DPP10: variants seen among roughly 807,000 people sequenced by gnomAD.
DPP10 encodes the protein dipeptidyl peptidase like 10, also known as inactive dipeptidyl peptidase 10.
A neutral mutation model predicts 120.9 loss-of-function variants in DPP10; 33 were observed. The ratio of observed to expected loss-of-function variants is 0.27; its 90% CI spans 0.21 to 0.37. The LOEUF is 0.37. DPP10 is among the 10% of genes least tolerant of loss of function. The pLI, the probability that DPP10 is intolerant of heterozygous loss-of-function variation, is 1.00. For missense variants in DPP10, 816 were observed against 942.8 expected (o/e 0.87, Z 1.76); for synonymous variants, 337 against 326.1 (o/e 1.03, Z -0.36).
At chr2:115,175,734 G>T (rs900286099) in intron 1 of DPP10, among the ~76,000 whole-genome samples, 1 of 152,182 alleles carries the variant, frequency 6.6e-6, no homozygotes, top group Non-Finnish European at 1.5e-5. Flanking sequence ...ATAACCACCA[G>T]CTACACATGG....
Position 115,376,748 on chromosome 2 carries a change from G to C in DPP10, c.271+32836G>C, listed in dbSNP as rs2065833717. On this transcript the variant is annotated intron_variant, in intron 3 of 25. Transcript: ENST00000410059. ...CCCAGAGTGTGATGTTCCTCTTCCT[G>C]TGTCCATGTGTTCTCATTGTTCAAT... Among the ~76,000 whole-genome samples the C allele has an allele frequency of 2.8e-5, 4 of 143,532 alleles. No homozygotes were observed. The South Asian group carries it at 8.9e-4, about 32-fold the overall frequency. The allele number at this position is 143,532 out of a possible 152,430, so 94.2% of individuals were successfully genotyped here.
chr2:114,935,716 C>T (rs1199658957), intron 1 of DPP10, among the ~76,000 whole-genome samples: 1 of 152,004 alleles, frequency 6.6e-6, no homozygotes, highest in Non-Finnish European at 1.5e-5. Context: ...CAACCCAAGA[C>T]CAACTATCTC....
intron 19 of DPP10, among the ~76,000 whole-genome samples, chr2:115,800,822 G>C (rs183824756): frequency 1.1e-4 from 16 of 152,218 alleles, no homozygotes; most frequent in African/African-American, 3.6e-4. Flanking sequence ...GTACCATGCT[G>C]TTTTGGTTAC....
At chr2:115,781,852 A>G (rs181078276) in intron 16 of DPP10, among the ~76,000 whole-genome samples, 1 of 152,054 alleles carries the variant, frequency 6.6e-6, no homozygotes, top group Non-Finnish European at 1.5e-5. Context: ...TATTTTAAAT[A>G]TTTGAAGATT....
At chr2:114,468,388 C>A (rs1289033125) in intron 1 of DPP10, among the ~76,000 whole-genome samples, 5 of 83,596 alleles carry the variant, frequency 6.0e-5, no homozygotes, top group Non-Finnish European at 8.4e-5. Flanking sequence ...CCTTGTCAGG[C>A]TTACAATGCA....
intron 8 of DPP10, among the ~76,000 whole-genome samples, chr2:115,729,943 C>A (rs2092862382): frequency 6.6e-6 from 1 of 152,054 alleles, no homozygotes; most frequent in African/African-American, 2.4e-5. Context: ...CCTAGGGAAC[C>A]AAAGTCTCCT....
chr2:115,530,541 G>A (rs1168972544), intron 5 of DPP10, among the ~76,000 whole-genome samples: 3 of 152,004 alleles, frequency 2.0e-5, no homozygotes, highest in Admixed American at 1.3e-4. Context: ...ATTTAGTTGG[G>A]TGTGGTGGCA....
At chr2:115,070,681 A>G (rs945806488) in intron 1 of DPP10, among the ~76,000 whole-genome samples, 6 of 152,182 alleles carry the variant, frequency 3.9e-5, no homozygotes, top group Non-Finnish European at 7.4e-5. Flanking sequence ...GATTATAGAA[A>G]AGATATAGCA....
chr2:114,607,348 T>C (rs1692898143), intron 1 of DPP10, among the ~76,000 whole-genome samples: 1 of 152,128 alleles, frequency 6.6e-6, no homozygotes, highest in Non-Finnish European at 1.5e-5. Flanking sequence ...ACTGGAAGGA[T>C]AAGGCAGATT....
At chr2:114,479,678 C>G (rs1680842179) in intron 1 of DPP10, among the ~76,000 whole-genome samples, 1 of 152,144 alleles carries the variant, frequency 6.6e-6, no homozygotes, top group Admixed American at 6.5e-5. Context: ...AAAGCTGAAA[C>G]TGAACCCCTT....
At chr2:114,618,791 T>C (rs1693864080) in intron 1 of DPP10, among the ~76,000 whole-genome samples, 1 of 151,996 alleles carries the variant, frequency 6.6e-6, no homozygotes, top group Non-Finnish European at 1.5e-5. Context: ...GTCATCAGTA[T>C]AAAATAATGT....
chr2:114,583,526 A>G (rs1256523397), intron 1 of DPP10, among the ~76,000 whole-genome samples: 1 of 152,212 alleles, frequency 6.6e-6, no homozygotes, highest in African/African-American at 2.4e-5. Context: ...TTTTAAAATG[A>G]GTTTGGGTCT....
At chr2:114,635,140 T>C (rs1208972164) in intron 1 of DPP10, among the ~76,000 whole-genome samples, 3 of 151,832 alleles carry the variant, frequency 2.0e-5, no homozygotes, top group African/African-American at 7.3e-5. Flanking sequence ...TTTTTTTTTC[T>C]GTTTGCAATA....
At chr2:115,039,043 G>A (rs1049821812) in intron 1 of DPP10, among the ~76,000 whole-genome samples, 6 of 152,182 alleles carry the variant, frequency 3.9e-5, no homozygotes, top group African/African-American at 1.4e-4. Flanking sequence ...GACAGAGAAG[G>A]CCAGAAGATG....
chr2:115,680,005 C>G (rs990826878), intron 5 of DPP10, among the ~76,000 whole-genome samples: 6 of 151,776 alleles, frequency 4.0e-5, no homozygotes, highest in Non-Finnish European at 1.5e-5. Flanking sequence ...TGAATGGTCA[C>G]AACACAAAGA....
intron 1 of DPP10, among the ~76,000 whole-genome samples, chr2:114,947,272 T>C (rs1256263493): frequency 6.6e-6 from 1 of 152,076 alleles, no homozygotes; most frequent in Non-Finnish European, 1.5e-5. Context: ...AAATATAATG[T>C]CCACTTTGAT....
At chr2:115,612,874 T>A (rs1043360240) in intron 5 of DPP10, among the ~76,000 whole-genome samples, 2 of 152,036 alleles carry the variant, frequency 1.3e-5, no homozygotes, top group African/African-American at 4.8e-5. Context: ...TTTTTTTTTT[T>A]AACCAGTTTT....
chr2:115,314,279 G>C (rs1164277252), intron 2 of DPP10, among the ~76,000 whole-genome samples: 1 of 152,174 alleles, frequency 6.6e-6, no homozygotes, highest in African/African-American at 2.4e-5. Flanking sequence ...ACAATGGCCT[G>C]TTGCCCTTTG....
intron 17 of DPP10, among the ~76,000 whole-genome samples, chr2:115,789,865 C>A (rs1683747477): frequency 6.6e-6 from 1 of 152,042 alleles, no homozygotes; most frequent in African/African-American, 2.4e-5. Context: ...CATCAAAAAT[C>A]CATGGAGTAT....
Sources: allele counts gnomAD v4.1 joint callset (sites outside exome capture counted in the v4.1 genomes callset), GRCh38; gene constraint gnomAD v4.1.1; transcripts MANE v1.5; gene names NCBI Gene and HGNC (gene_info 2026-07-23, HGNC 2026-07-21).